Variants in CDH13 observed in about 807,000 individuals in gnomAD.
CDH13 encodes cadherin-13.
A neutral mutation model predicts 63.8 loss-of-function variants in CDH13; 24 were observed. The observed-to-expected ratio is 0.38, with a 90% confidence interval of 0.27 to 0.53. The LOEUF is 0.53. CDH13 is among the 20% of genes least tolerant of loss of function. The pLI is 0.85. For synonymous variants in CDH13, 503 were observed against 355.3 expected, an observed-to-expected ratio of 1.42 and a Z score of -4.67; for missense variants, 1,049 against 903.1, an observed-to-expected ratio of 1.16 and a Z score of -2.07.
chr16:83,781,325 A>G (rs796731763), intron 12 of CDH13, among the ~76,000 whole-genome samples: 4 of 152,350 alleles, frequency 2.6e-5, no homozygotes, highest in African/African-American at 9.6e-5. Context: ...AGTAAAAGAA[A>G]AAAGAAAAAG....
At chr16:82,656,445 G>A (rs1911305793) in intron 1 of CDH13, among the ~76,000 whole-genome samples, 1 of 152,126 alleles carries the variant, frequency 6.6e-6, no homozygotes, top group Non-Finnish European at 1.5e-5. Context: ...TAAGTTCACA[G>A]CAAAATTTGG....
chr16:83,211,519 T>A (rs2039336494), intron 4 of CDH13, among the ~76,000 whole-genome samples: 1 of 152,152 alleles, frequency 6.6e-6, no homozygotes, highest in Non-Finnish European at 1.5e-5. Context: ...GCAAATACAT[T>A]AAAAACACAC....
At chr16:83,370,606 T>G (rs2091349429) in intron 6 of CDH13, among the ~76,000 whole-genome samples, 1 of 152,166 alleles carries the variant, frequency 6.6e-6, no homozygotes, top group Non-Finnish European at 1.5e-5. Flanking sequence ...TTTTTTGTTC[T>G]CACCCTCTTC....
intron 10 of CDH13, chr16:83,721,632 G>A (rs554106464): frequency 3.9e-5 from 6 of 152,354 alleles, no homozygotes; most frequent in South Asian, 4.2e-4. Context: ...CCTCCAAGTA[G>A]CTTGTGGTCT....
chr16:83,277,374 A>C (rs926125572), intron 5 of CDH13, among the ~76,000 whole-genome samples: 1 of 152,170 alleles, frequency 6.6e-6, no homozygotes, highest in Admixed American at 6.5e-5. Flanking sequence ...TGCCTAAACC[A>C]TACTCCGAAC....
intron 2 of CDH13, among the ~76,000 whole-genome samples, chr16:82,947,378 A>G (rs1364143321): frequency 1.3e-5 from 2 of 152,206 alleles, no homozygotes; most frequent in Admixed American, 6.5e-5. Flanking sequence ...ATTAAAAAAT[A>G]TTATAGTTGC....
chr16:83,777,013 G>T (rs1915163477), intron 11 of CDH13, among the ~76,000 whole-genome samples: 1 of 152,112 alleles, frequency 6.6e-6, no homozygotes, highest in East Asian at 1.9e-4. Flanking sequence ...CTGAACCGCT[G>T]GTCTTCCCAC....
At position 82,734,280 on chromosome 16, in the gene CDH13, C is replaced by G. The variant is rs2033556047; in HGVS notation, c.45+107143C>G. ...ATGGCAGAGTTAAGCAGTTGCAATC[C>G]TGTGGCCCAGAAAAACTTAAATGTT... On this transcript the variant is annotated intron_variant, in intron 1 of 13. Transcript: ENST00000567109. Among the ~76,000 whole-genome samples the G allele has an allele frequency of 4.6e-5, 7 of 152,188 alleles. No individual in the cohort carries two copies. The South Asian group carries it at 1.4e-3, about 31-fold the overall frequency.
intron 7 of CDH13, among the ~76,000 whole-genome samples, chr16:83,517,955 G>A (rs2074737891): frequency 6.6e-6 from 1 of 152,070 alleles, no homozygotes; most frequent in Non-Finnish European, 1.5e-5. Context: ...TGAGCCCTGG[G>A]GTGATGAAGT....
rs116527014 is a variant in CDH13, at chr16:83,074,147, G to A, written c.366+41929G>A. Among the ~76,000 whole-genome samples the A allele has an allele frequency of 4.3e-3, 652 of 152,156 alleles. 2 individuals are homozygous for A. The highest frequency in any genetic ancestry group is 0.015 in the African/African-American group (618 of 41,488). On this transcript the variant is annotated intron_variant, in intron 3 of 13. Coordinates refer to ENST00000567109, the MANE Select transcript of CDH13 (RefSeq NM_001257.5). The stretch of plus-strand genomic sequence containing the variant: ...TTCTCTTCACTTACCCTCCCAGACC[G>A]ACAAACATCTGCATCCTTCCCAGCC...
intron 1 of CDH13, among the ~76,000 whole-genome samples, chr16:82,770,003 T>A (rs2035201709): frequency 6.6e-6 from 1 of 152,230 alleles, no homozygotes; most frequent in African/African-American, 2.4e-5. Flanking sequence ...TCCCTGTTCT[T>A]GAATTGTGTA....
intron 1 of CDH13, among the ~76,000 whole-genome samples, chr16:82,711,482 G>C (rs993175490): frequency 6.6e-6 from 1 of 152,164 alleles, no homozygotes; most frequent in Middle Eastern, 3.2e-3. Flanking sequence ...ACTTTCATCT[G>C]TTTTAGGCAT....
intron 7 of CDH13, among the ~76,000 whole-genome samples, chr16:83,593,610 T>G (rs1906970331): frequency 6.6e-6 from 1 of 151,646 alleles, no homozygotes; most frequent in South Asian, 2.1e-4. Flanking sequence ...AAACATACAG[T>G]ATATAAAACA....
At chr16:83,358,988 C>A (rs566408918) in intron 6 of CDH13, among the ~76,000 whole-genome samples, 1 of 152,232 alleles carries the variant, frequency 6.6e-6, no homozygotes, top group African/African-American at 2.4e-5. Flanking sequence ...ATGGGGCTGC[C>A]ATTTATGTCA....
intron 4 of CDH13, among the ~76,000 whole-genome samples, chr16:83,160,296 G>A (rs186886223): frequency 1.3e-5 from 2 of 152,064 alleles, no homozygotes; most frequent in African/African-American, 4.8e-5. Flanking sequence ...GGAGGTATAT[G>A]AGAAATCTCT....
At chr16:83,345,284 T>C (rs1315855205) in intron 6 of CDH13, among the ~76,000 whole-genome samples, 1 of 152,214 alleles carries the variant, frequency 6.6e-6, no homozygotes, top group African/African-American at 2.4e-5. Context: ...TTGGGCACCA[T>C]GTAAATATCC....
intron 1 of CDH13, among the ~76,000 whole-genome samples, chr16:82,704,646 G>C (rs1399847172): frequency 6.6e-6 from 1 of 152,022 alleles, no homozygotes; most frequent in African/African-American, 2.4e-5. Flanking sequence ...TTCCTGGCCT[G>C]GGGGGTCCAG....
chr16:83,549,643 A>T (rs983320110), intron 7 of CDH13, among the ~76,000 whole-genome samples: 1 of 65,078 alleles, frequency 1.5e-5, no homozygotes, highest in Middle Eastern at 8.5e-3. Flanking sequence ...CTCTACGCTC[A>T]AAAAAAAAAA....
At chr16:82,714,108 T>C (rs1278821568) in intron 1 of CDH13, among the ~76,000 whole-genome samples, 1 of 152,048 alleles carries the variant, frequency 6.6e-6, no homozygotes, top group Non-Finnish European at 1.5e-5. Context: ...CAAGTGGGTG[T>C]TGTTTTAAGC....
Sources: gnomAD v4.1 joint callset for allele counts (sites outside exome capture counted in the v4.1 genomes callset) on GRCh38, gnomAD v4.1.1 for gene constraint, MANE v1.5 for transcripts, NCBI Gene and HGNC (gene_info 2026-07-23, HGNC 2026-07-21) for gene names.